PHF14: variants seen among roughly 807,000 people sequenced by gnomAD.
PHF14 encodes the protein PHD finger protein 14.
In PHF14, 55 loss-of-function variants were observed where a neutral mutation model predicts 117.9. The ratio of observed to expected loss-of-function variants is 0.47; its 90% CI spans 0.38 to 0.58. The LOEUF (loss-of-function observed/expected upper bound fraction) is 0.58. Ranked by LOEUF, PHF14 falls within the 20% of genes least tolerant of loss-of-function variation. The pLI is 0.00. For synonymous variants in PHF14, 409 were observed against 368.6 expected (o/e 1.11, Z -1.26); for missense variants, 978 against 1,122.2 (o/e 0.87, Z 1.84).
intron 6 of PHF14, 53 bp downstream of exon 6, chr7:11,023,032 G>C: frequency 1.1e-6 from 1 of 944,198 alleles, no homozygotes; most frequent in Non-Finnish European, 1.6e-6. Flanking sequence ...TTACTTGTTA[G>C]TTTACCTGGC....
chr7:11,029,877 A>G (rs1057023444), intron 7 of PHF14, among the ~76,000 whole-genome samples: 32 of 151,974 alleles, frequency 2.1e-4, no homozygotes, highest in African/African-American at 7.7e-4. Flanking sequence ...TATTGGGTAA[A>G]TTTTGTTTAT....
intron 4 of PHF14, among the ~76,000 whole-genome samples, chr7:11,012,612 C>T (rs1562419469): frequency 6.6e-6 from 1 of 152,144 alleles, no homozygotes; most frequent in Non-Finnish European, 1.5e-5. Context: ...ATGACATGTC[C>T]TACTCTAAAG....
chr7:11,023,204 T>G (rs1480741903), intron 6 of PHF14, among the ~76,000 whole-genome samples: 2 of 152,186 alleles, frequency 1.3e-5, no homozygotes, highest in Non-Finnish European at 2.9e-5. Context: ...AAATGATAAT[T>G]GGTACTACTA....
At chr7:11,035,565 A>T (rs905027806) in intron 7 of PHF14, 75 bp from the exon 8 acceptor site, 2 of 846,314 alleles carry the variant, frequency 2.4e-6, no homozygotes, top group South Asian at 7.5e-5. Flanking sequence ...AGGAAGTAAT[A>T]TTCTTTTGTG....
At chr7:11,008,286 A>G (rs575202331) in intron 4 of PHF14, among the ~76,000 whole-genome samples, 2 of 152,298 alleles carry the variant, frequency 1.3e-5, no homozygotes, top group South Asian at 4.1e-4. Flanking sequence ...TTCACTGGAT[A>G]GTAGAATATG....
chr7:11,141,387 A>G (rs1006962525), intron 17 of PHF14, among the ~76,000 whole-genome samples: 3 of 152,048 alleles, frequency 2.0e-5, no homozygotes, highest in African/African-American at 4.8e-5. Flanking sequence ...TCCAAGTCTA[A>G]TGGTCTTTCC....
intron 17 of PHF14, among the ~76,000 whole-genome samples, chr7:11,126,340 A>T (rs1299072408): frequency 6.6e-6 from 1 of 152,090 alleles, no homozygotes; most frequent in Non-Finnish European, 1.5e-5. Context: ...GTGTGAATGA[A>T]GTACATATTT....
At chr7:10,999,334 A>G (rs1422445846) in intron 4 of PHF14, among the ~76,000 whole-genome samples, 2 of 152,152 alleles carry the variant, frequency 1.3e-5, no homozygotes, top group Non-Finnish European at 2.9e-5. Flanking sequence ...TTGAATATAT[A>G]GTTCCTTATC....
intron 16 of PHF14, chr7:11,108,898 AATT>A (rs977760314): frequency 9.2e-5 from 14 of 151,820 alleles, no homozygotes; most frequent in African/African-American, 2.7e-4. Flanking sequence ...ATAATTTGAA[AATT>A]ATTATGACAC....
chr7:11,063,728 A>T, intron 16 of PHF14: 1 of 869,034 alleles, frequency 1.2e-6, no homozygotes, highest in Middle Eastern at 5.9e-4. Context: ...TTATTTTAAA[A>T]ATCAGTTTAT....
chr7:11,124,603 T>C lies in PHF14; in HGVS notation c.2772+13136T>C, dbSNP rs569174981. On this transcript the variant is annotated intron_variant, in intron 17 of 17. Transcript: ENST00000634607. ...CTTTAAGGTGGTTATTGTTTTTTTT[T>C]ATCTCCTTTCTGCAGATGAAAGAAA... Among the ~76,000 whole-genome samples, 207 of 152,214 alleles carry C rather than the reference T, an allele frequency of 1.4e-3. 1 individual carries two copies. Among genetic ancestry groups the C allele is most frequent in the East Asian group, 6.9e-3 (36 of 5,186 alleles).
intron 11 of PHF14, among the ~76,000 whole-genome samples, chr7:11,039,967 A>C (rs116016983): frequency 0.013 from 1,977 of 152,236 alleles, 40 homozygotes; most frequent in African/African-American, 0.045. Context: ...CTTGATTTGC[A>C]AGTTTTTCTC....
intron 3 of PHF14, among the ~76,000 whole-genome samples, chr7:10,987,554 A>G (rs1782267084): frequency 6.6e-6 from 1 of 152,080 alleles, no homozygotes; most frequent in South Asian, 2.1e-4. Context: ...GTAGTGATTG[A>G]TTTATTCATA....
intron 14 of PHF14, among the ~76,000 whole-genome samples, chr7:11,054,501 C>G (rs567582233): frequency 5.9e-5 from 9 of 152,058 alleles, no homozygotes; most frequent in Non-Finnish European, 1.0e-4. Context: ...AGGGAGTGAT[C>G]AGTCATTTTG....
At chr7:11,042,555 C>T (rs1196436490) in intron 12 of PHF14, 128 bp from the exon 13 acceptor site, 2 of 578,890 alleles carry the variant, frequency 3.5e-6, no homozygotes, top group Admixed American at 3.7e-5. Flanking sequence ...AAGAAATTGT[C>T]TATCTCAACA....
rs908795892 is a variant in PHF14 at position 10,974,117 on chromosome 7, G to A, written c.-207G>A. 42 of 570,912 alleles carry A rather than the reference G, an allele frequency of 7.4e-5. No homozygotes were observed. The highest frequency in any genetic ancestry group is 9.4e-4 in the Middle Eastern group (2 of 2,120). 35.4% of individuals were successfully genotyped at this position (570,912 alleles called of 1,614,324 possible). On this transcript the variant is annotated 5_prime_UTR_variant, in exon 1 of 18. Transcript: ENST00000634607. ...AGCGCTGTGGGAAGGGGCTCGAGCG[G>A]CCAGGGCCAGGCGAGGCCGGGGGGG...
intron 5 of PHF14, chr7:11,015,322 T>A (rs1479979984): frequency 6.6e-6 from 1 of 152,156 alleles, no homozygotes; most frequent in Non-Finnish European, 1.5e-5. Context: ...AATCTACCAT[T>A]GAATCTTGGA....
intron 17 of PHF14, among the ~76,000 whole-genome samples, chr7:11,111,842 T>C (rs538741791): frequency 1.3e-5 from 2 of 151,630 alleles, no homozygotes; most frequent in Non-Finnish European, 2.9e-5. Context: ...ACCAATTAAA[T>C]AGAATTTTAT....
At chr7:11,052,282 G>T (rs1784872343) in intron 14 of PHF14, among the ~76,000 whole-genome samples, 1 of 152,086 alleles carries the variant, frequency 6.6e-6, no homozygotes, top group Admixed American at 6.6e-5. Flanking sequence ...AAATTATGTT[G>T]ATTTGATTCA....
Sources: allele counts gnomAD v4.1 joint callset (sites outside exome capture counted in the v4.1 genomes callset), GRCh38; gene constraint gnomAD v4.1.1; transcripts MANE v1.5; gene names NCBI Gene and HGNC (gene_info 2026-07-23, HGNC 2026-07-21).